The following DIAPH2 variants were observed in gnomAD, a reference collection of about 807,000 sequenced individuals.
DIAPH2 encodes diaphanous related formin 2.
In DIAPH2, 35 loss-of-function variants were observed where a neutral mutation model predicts 92.7. The observed-to-expected ratio is 0.38, with a 90% CI of 0.29 to 0.50. The LOEUF (loss-of-function observed/expected upper bound fraction) is 0.50, where lower values mean the gene tolerates loss of function less well. DIAPH2 is among the 20% of genes least tolerant of loss of function. DIAPH2 has a pLI of 0.94. For synonymous variants in DIAPH2, 301 were observed against 280.4 expected, an observed-to-expected ratio of 1.07 and a Z score of -0.73; for missense variants, 701 against 819.5, an observed-to-expected ratio of 0.86 and a Z score of 1.77.
intron 17 of DIAPH2, among the ~76,000 whole-genome samples, chrX:97,023,688 A>G (rs1199973083): frequency 8.9e-6 from 1 of 111,814 alleles, no homozygotes; most frequent in Non-Finnish European, 1.9e-5. Flanking sequence ...TGTTCTAAGT[A>G]TTTTTTAGGA....
chrX:96,861,640 T>C (rs764436119), intron 4 of DIAPH2, among the ~76,000 whole-genome samples: 1 of 111,742 alleles, frequency 8.9e-6, no homozygotes, highest in East Asian at 2.8e-4. Flanking sequence ...CTTACAAAAA[T>C]CCTCAGTGAT....
chrX:96,811,992 G>A (rs1041553560), intron 4 of DIAPH2, among the ~76,000 whole-genome samples: 1 of 111,102 alleles, frequency 9.0e-6, no homozygotes, highest in East Asian at 2.8e-4. Context: ...TTTTTTTGTT[G>A]TGTCTCTGCC....
intron 26 of DIAPH2, among the ~76,000 whole-genome samples, chrX:97,589,705 AT>A (rs2071504529): frequency 8.9e-6 from 1 of 112,356 alleles, no homozygotes; most frequent in African/African-American, 3.2e-5. Context: ...CTTTGTCCCA[AT>A]AGATGTAAAT....
intron 22 of DIAPH2, among the ~76,000 whole-genome samples, chrX:97,179,325 G>T (rs1193026469): frequency 9.3e-6 from 1 of 107,284 alleles, no homozygotes; most frequent in East Asian, 3.0e-4. Context: ...GTGCCATGGT[G>T]GTTTGCTGCA....
chrX:97,185,449 G>A (rs779924202), intron 22 of DIAPH2, among the ~76,000 whole-genome samples: 118 of 6,309 alleles, frequency 0.019, 10 homozygotes, highest in African/African-American at 0.032. Flanking sequence ...ATATATATAT[G>A]TGTGTGTATA....
At chrX:97,449,706 G>A (rs1346340480) in intron 26 of DIAPH2, 1 of 741,924 alleles carries the variant, frequency 1.3e-6, no homozygotes, top group East Asian at 1.5e-4. Context: ...CAAGCAAGGA[G>A]TGAGAGCTGC....
intron 4 of DIAPH2, among the ~76,000 whole-genome samples, chrX:96,771,977 C>G (rs752482547): frequency 9.5e-4 from 105 of 110,462 alleles, no homozygotes; most frequent in Non-Finnish European, 1.7e-3. Context: ...GTCAAGGCTG[C>G]AGTGAGCCGA....
chrX:97,291,261 G>A (rs956500230), intron 23 of DIAPH2, among the ~76,000 whole-genome samples: 28 of 110,511 alleles, frequency 2.5e-4, no homozygotes, highest in Non-Finnish European at 3.4e-4. Flanking sequence ...ATGTTGGCAC[G>A]TGCCCATAAT....
intron 23 of DIAPH2, among the ~76,000 whole-genome samples, chrX:97,286,194 A>C (rs1041944319): frequency 1.0e-4 from 11 of 106,470 alleles, no homozygotes; most frequent in Non-Finnish European, 1.9e-4. Context: ...GATTACAGGC[A>C]CACACCACCA....
At chrX:97,320,083 G>A (rs1177050240) in intron 23 of DIAPH2, among the ~76,000 whole-genome samples, 1 of 103,997 alleles carries the variant, frequency 9.6e-6, no homozygotes, top group Non-Finnish European at 2.0e-5. Context: ...CTGGGTGACA[G>A]AGTGAGACTC....
intron 22 of DIAPH2, among the ~76,000 whole-genome samples, chrX:97,185,517 A>G (rs181919394): frequency 6.9e-5 from 3 of 43,612 alleles, no homozygotes; most frequent in Non-Finnish European, 4.4e-5. Context: ...ATATATATAT[A>G]TATCTCACTT....
In DIAPH2 at chrX:97,067,796, G is replaced by A. The variant is rs778367067; in HGVS notation, c.2051-5145G>A. On this transcript the variant is annotated intron_variant, in intron 17 of 26. Coordinates refer to ENST00000324765, the MANE Select transcript of DIAPH2 (RefSeq NM_006729.5). ...AATATATAGCTGTAATACAATCACT[G>A]TAAATGCTGTGTGATATTACATTGT... Among the ~76,000 whole-genome samples, 26 of 111,551 alleles carry A rather than the reference G, an allele frequency of 2.3e-4. No individual in the cohort carries two copies. In the Admixed American group the frequency reaches 2.4e-3, roughly 10 times the overall value.
chrX:97,290,831 C>A (rs1190582004), intron 23 of DIAPH2, among the ~76,000 whole-genome samples: 3 of 111,797 alleles, frequency 2.7e-5, no homozygotes, highest in Non-Finnish European at 5.6e-5. Context: ...TCCCAACACA[C>A]TGGGAGGCCG....
chrX:96,861,443 C>G (rs1036737276), intron 4 of DIAPH2, among the ~76,000 whole-genome samples: 9 of 111,605 alleles, frequency 8.1e-5, no homozygotes, highest in African/African-American at 2.6e-4. Context: ...CACATTCTAT[C>G]TATTCTAACT....
intron 23 of DIAPH2, among the ~76,000 whole-genome samples, chrX:97,274,796 G>A (rs772356255): frequency 9.4e-4 from 104 of 110,599 alleles, no homozygotes; most frequent in African/African-American, 3.3e-3. Flanking sequence ...GTGGCCTACC[G>A]CAGTGTTTGT....
At chrX:97,372,725 C>T (rs1276445204) in intron 24 of DIAPH2, among the ~76,000 whole-genome samples, 1 of 111,775 alleles carries the variant, frequency 8.9e-6, no homozygotes, top group African/African-American at 3.3e-5. Flanking sequence ...AATCCCAGCA[C>T]TTTGGGAGGG....
intron 23 of DIAPH2, among the ~76,000 whole-genome samples, chrX:97,286,104 G>A (rs1421660003): frequency 9.7e-6 from 1 of 103,446 alleles, no homozygotes; most frequent in Non-Finnish European, 2.0e-5. Context: ...GCAGTGGTGC[G>A]ATCTCGGCTC....
At chrX:97,076,894 C>G (rs764757175) in intron 19 of DIAPH2, among the ~76,000 whole-genome samples, 22 of 111,404 alleles carry the variant, frequency 2.0e-4, no homozygotes, top group African/African-American at 6.8e-4. Flanking sequence ...GCTTTACCCA[C>G]CAATTTTGTG....
chrX:97,430,468 A>G (rs749867359), intron 26 of DIAPH2, among the ~76,000 whole-genome samples: 8 of 112,255 alleles, frequency 7.1e-5, no homozygotes, highest in Middle Eastern at 4.6e-3. Context: ...CTCTCAGTAA[A>G]GTTTTCTATT....
Sources: allele counts gnomAD v4.1 joint callset (sites outside exome capture counted in the v4.1 genomes callset), GRCh38; gene constraint gnomAD v4.1.1; transcripts MANE v1.5; gene names NCBI Gene and HGNC (gene_info 2026-07-23, HGNC 2026-07-21).